The following CADM2 variants were observed in gnomAD, a reference collection of about 807,000 sequenced individuals.
CADM2 encodes the protein immunoglobulin superfamily member 4D.
CADM2 carries 12 observed loss-of-function variants against 49.8 expected under a neutral mutation model. The ratio of observed to expected loss-of-function variants is 0.24; its 90% confidence interval spans 0.15 to 0.39. The LOEUF is 0.39. Ranked by LOEUF, CADM2 falls within the 10% of genes least tolerant of loss-of-function variation. CADM2 has a pLI of 1.00. For synonymous variants in CADM2, 214 were observed against 175.4 expected (o/e 1.22, Z -1.74); for missense variants, 378 against 492.3 (o/e 0.77, Z 2.20).
chr3:85,273,667 T>G (rs2043295848), intron 1 of CADM2, among the ~76,000 whole-genome samples: 1 of 150,528 alleles, frequency 6.6e-6, no homozygotes, highest in African/African-American at 2.5e-5. Context: ...TAGAATTGTT[T>G]GGGAAAGAAG....
chr3:85,468,943 A>G (rs2038645666), intron 1 of CADM2, among the ~76,000 whole-genome samples: 1 of 152,190 alleles, frequency 6.6e-6, no homozygotes, highest in Non-Finnish European at 1.5e-5. Flanking sequence ...GTTGGTGGAT[A>G]TGTATTTACC....
At chr3:85,283,920 G>A (rs2043564774) in intron 1 of CADM2, among the ~76,000 whole-genome samples, 1 of 152,148 alleles carries the variant, frequency 6.6e-6, no homozygotes, top group Non-Finnish European at 1.5e-5. Flanking sequence ...GTTGAAAAAT[G>A]TCAGTAAAGG....
intron 1 of CADM2, among the ~76,000 whole-genome samples, chr3:85,710,860 A>G (rs570813516): frequency 5.3e-5 from 8 of 152,230 alleles, no homozygotes; most frequent in Admixed American, 3.9e-4. Flanking sequence ...TTGATAATCA[A>G]TGCTAGGAAG....
chr3:85,366,098 A>G (rs186797429), intron 1 of CADM2, among the ~76,000 whole-genome samples: 12 of 152,324 alleles, frequency 7.9e-5, no homozygotes, highest in Non-Finnish European at 1.5e-4. Context: ...TGCTTTACAT[A>G]GGTGCTGTCT....
intron 1 of CADM2, among the ~76,000 whole-genome samples, chr3:85,025,875 C>A (rs1239834153): frequency 6.6e-6 from 1 of 151,506 alleles, no homozygotes; most frequent in Non-Finnish European, 1.5e-5. Context: ...TGTATCATTG[C>A]CCGGTAGCTC....
intron 1 of CADM2, among the ~76,000 whole-genome samples, chr3:85,673,441 A>G (rs948748191): frequency 3.3e-5 from 5 of 151,548 alleles, no homozygotes; most frequent in African/African-American, 9.7e-5. Flanking sequence ...CACCAAGGTT[A>G]TAGTGTGCTT....
intron 1 of CADM2, among the ~76,000 whole-genome samples, chr3:85,510,020 A>C (rs1269868717): frequency 1.3e-5 from 2 of 152,096 alleles, no homozygotes; most frequent in Non-Finnish European, 2.9e-5. Context: ...AAACAAAAAA[A>C]TAAAGCAATG....
intron 1 of CADM2, among the ~76,000 whole-genome samples, chr3:85,618,107 ATAAC>A (rs1412013406): frequency 6.6e-6 from 1 of 152,208 alleles, no homozygotes; most frequent in Non-Finnish European, 1.5e-5. Flanking sequence ...TTTGTAAAAA[ATAAC>A]TAAGCAACTT....
At chr3:85,499,338 G>A (rs947707997) in intron 1 of CADM2, among the ~76,000 whole-genome samples, 15 of 152,066 alleles carry the variant, frequency 9.9e-5, no homozygotes, top group African/African-American at 3.6e-4. Context: ...GTAGTAAAGA[G>A]GTCAGGTATT....
intron 2 of CADM2, chr3:85,800,280 G>A: frequency 6.6e-6 from 1 of 152,386 alleles, no homozygotes; most frequent in Non-Finnish European, 1.5e-5. Context: ...CTGCTCTGCT[G>A]GCAGCAAGAA....
chr3:85,254,641 T>A (rs1292098869), intron 1 of CADM2, among the ~76,000 whole-genome samples: 1 of 152,078 alleles, frequency 6.6e-6, no homozygotes, highest in African/African-American at 2.4e-5. Flanking sequence ...ATGTCACAAA[T>A]CTTCGTTCAT....
intron 1 of CADM2, among the ~76,000 whole-genome samples, chr3:85,160,015 C>T (rs2040265438): frequency 6.6e-6 from 1 of 152,110 alleles, no homozygotes; most frequent in Non-Finnish European, 1.5e-5. Flanking sequence ...TTAGAACACA[C>T]ACATATCTGG....
intron 8 of CADM2, among the ~76,000 whole-genome samples, chr3:86,029,695 G>C (rs975886114): frequency 2.8e-4 from 42 of 151,934 alleles, no homozygotes; most frequent in Admixed American, 2.7e-3. Context: ...TAAATTTCTG[G>C]CTCCTACATT....
chr3:85,979,393 G>T, intron 8 of CADM2: 1 of 1,240,468 alleles, frequency 8.1e-7, no homozygotes. Flanking sequence ...ATTATGAGAA[G>T]TAATTAAGTC....
At chr3:85,781,391 C>T (rs2107994185) in intron 2 of CADM2, among the ~76,000 whole-genome samples, 1 of 152,154 alleles carries the variant, frequency 6.6e-6, no homozygotes, top group Admixed American at 6.5e-5. Context: ...GTTCTATATT[C>T]TACTTTCTCT....
At chr3:85,535,434 G>A (rs1396088408) in intron 1 of CADM2, among the ~76,000 whole-genome samples, 1 of 152,198 alleles carries the variant, frequency 6.6e-6, no homozygotes, top group African/African-American at 2.4e-5. Flanking sequence ...ATCTGGGAAC[G>A]TTGATTTCAT....
chr3:85,252,601 C>T (rs2042800480), intron 1 of CADM2, among the ~76,000 whole-genome samples: 1 of 152,012 alleles, frequency 6.6e-6, no homozygotes, highest in Admixed American at 6.6e-5. Flanking sequence ...ATGGGAATTA[C>T]TTTATTCAAT....
chr3:85,288,367 G>A (rs79919809), intron 1 of CADM2, among the ~76,000 whole-genome samples: 9,997 of 151,936 alleles, frequency 0.066, 1,078 homozygotes, highest in African/African-American at 0.23. Flanking sequence ...CAATTTTCCT[G>A]TATTATTTCC....
chr3:85,945,700 C>A (rs1243284119), intron 7 of CADM2, among the ~76,000 whole-genome samples: 5 of 152,062 alleles, frequency 3.3e-5, no homozygotes, highest in African/African-American at 9.7e-5. Context: ...TCAATAGATG[C>A]AGAAAAGGCC....
Sources: allele counts gnomAD v4.1 joint callset (sites outside exome capture counted in the v4.1 genomes callset), GRCh38; gene constraint gnomAD v4.1.1; transcripts MANE v1.5; gene names NCBI Gene and HGNC (gene_info 2026-07-23, HGNC 2026-07-21).